The following FSTL5 variants were observed in gnomAD, a reference collection of about 807,000 sequenced individuals.
FSTL5 encodes follistatin like 5.
A neutral mutation model predicts 89.1 loss-of-function variants in FSTL5; 62 were observed. That is an observed-to-expected ratio of 0.70 (90% confidence interval 0.57 to 0.86). The LOEUF (loss-of-function observed/expected upper bound fraction) is 0.86, where lower values mean the gene tolerates loss of function less well. Ranked by LOEUF, FSTL5 falls within the 40% of genes least tolerant of loss-of-function variation. The probability of loss-of-function intolerance (pLI) is 0.00; values close to 1 mark genes in which losing one functional copy is unlikely to be tolerated. For synonymous variants in FSTL5, 383 were observed against 346.2 expected, an observed-to-expected ratio of 1.11 and a Z score of -1.18; for missense variants, 1,057 against 1,001.6, an observed-to-expected ratio of 1.06 and a Z score of -0.75.
At chr4:161,869,397 A>G (rs1471185415) in intron 4 of FSTL5, among the ~76,000 whole-genome samples, 1 of 152,166 alleles carries the variant, frequency 6.6e-6, no homozygotes, top group Non-Finnish European at 1.5e-5. Context: ...TGCGATCACA[A>G]ATAAGGTTCT....
intron 7 of FSTL5, among the ~76,000 whole-genome samples, chr4:161,603,682 T>C (rs1474657104): frequency 6.6e-6 from 1 of 151,894 alleles, no homozygotes; most frequent in Non-Finnish European, 1.5e-5. Context: ...AATGAGAGAA[T>C]TGCACTTAAA....
chr4:161,684,776 C>G (rs1205415819), intron 6 of FSTL5, among the ~76,000 whole-genome samples: 1 of 152,040 alleles, frequency 6.6e-6, no homozygotes, highest in African/African-American at 2.4e-5. Flanking sequence ...ATAATTAGGT[C>G]CCAGCAATTA....
At chr4:161,839,634 T>C (rs1223164797) in intron 4 of FSTL5, among the ~76,000 whole-genome samples, 3 of 152,190 alleles carry the variant, frequency 2.0e-5, no homozygotes, top group African/African-American at 4.8e-5. Flanking sequence ...TCAATTTATG[T>C]GAAATTCCAA....
intron 13 of FSTL5, among the ~76,000 whole-genome samples, chr4:161,472,734 T>C (rs1340739939): frequency 2.6e-5 from 4 of 151,780 alleles, no homozygotes; most frequent in African/African-American, 9.7e-5. Flanking sequence ...ATGTAACTTT[T>C]TTTTTTTTTT....
At chr4:161,685,906 T>G (rs574043368) in intron 6 of FSTL5, among the ~76,000 whole-genome samples, 1 of 152,312 alleles carries the variant, frequency 6.6e-6, no homozygotes, top group South Asian at 2.1e-4. Context: ...CATAGTTGGC[T>G]TTTATTACAT....
At chr4:161,760,514 C>T (rs2126790309) in intron 5 of FSTL5, among the ~76,000 whole-genome samples, 1 of 152,250 alleles carries the variant, frequency 6.6e-6, no homozygotes, top group South Asian at 2.1e-4. Context: ...TCAATAATTT[C>T]TGGCAAATCA....
chr4:161,814,561 T>C (rs529573397), intron 4 of FSTL5, among the ~76,000 whole-genome samples: 1 of 152,248 alleles, frequency 6.6e-6, no homozygotes, highest in East Asian at 1.9e-4. Flanking sequence ...AACCTCACAA[T>C]GAACTTTAGG....
At chr4:161,886,259 C>G (rs763993475) in intron 4 of FSTL5, among the ~76,000 whole-genome samples, 28 of 152,164 alleles carry the variant, frequency 1.8e-4, no homozygotes, top group Non-Finnish European at 3.2e-4. Flanking sequence ...CAGTGAAGCC[C>G]TTCTCAAAGT....
At chr4:161,733,460 A>G (rs1739685088) in intron 6 of FSTL5, among the ~76,000 whole-genome samples, 1 of 151,948 alleles carries the variant, frequency 6.6e-6, no homozygotes, top group African/African-American at 2.4e-5. Flanking sequence ...TTAATTTCAT[A>G]TCTGTATGCT....
chr4:162,095,988 G>A (rs1490223447), intron 2 of FSTL5, among the ~76,000 whole-genome samples: 11 of 151,750 alleles, frequency 7.2e-5, no homozygotes, highest in Admixed American at 1.3e-4. Flanking sequence ...ACTACTACCC[G>A]ATTGTAGCAA....
chr4:161,904,906 G>A (rs1733477478), intron 4 of FSTL5, among the ~76,000 whole-genome samples: 1 of 151,714 alleles, frequency 6.6e-6, no homozygotes, highest in Admixed American at 6.6e-5. Flanking sequence ...TAAGTTTCAT[G>A]TAAATCTATG....
At chr4:161,947,536 G>T (rs1418829887) in intron 3 of FSTL5, among the ~76,000 whole-genome samples, 1 of 152,046 alleles carries the variant, frequency 6.6e-6, no homozygotes, top group Non-Finnish European at 1.5e-5. Flanking sequence ...TTGGCCCAAA[G>T]TTATGAATGT....
At chr4:162,041,271 G>T (rs2111225201) in intron 2 of FSTL5, among the ~76,000 whole-genome samples, 1 of 150,972 alleles carries the variant, frequency 6.6e-6, no homozygotes, top group East Asian at 2.0e-4. Context: ...TCTGTCTAGA[G>T]GACATAGCAT....
chr4:161,446,694 G>A (rs1456869289), intron 15 of FSTL5, among the ~76,000 whole-genome samples: 1 of 151,878 alleles, frequency 6.6e-6, no homozygotes, highest in Non-Finnish European at 1.5e-5. Flanking sequence ...TGTATTAATA[G>A]GCCATGCAAT....
At chr4:161,783,589 T>C (rs1445996297) in intron 4 of FSTL5, among the ~76,000 whole-genome samples, 1 of 90,478 alleles carries the variant, frequency 1.1e-5, no homozygotes, top group East Asian at 3.3e-4. Flanking sequence ...CTTTCCTTGC[T>C]TTCCTTGCCT....
At chr4:161,526,189 G>T (rs545444606) in intron 10 of FSTL5, among the ~76,000 whole-genome samples, 35 of 152,094 alleles carry the variant, frequency 2.3e-4, no homozygotes, top group African/African-American at 8.2e-4. Context: ...AGTATAACTT[G>T]TATGATAATG....
chr4:161,601,873 C>T (rs1441681910), intron 7 of FSTL5, among the ~76,000 whole-genome samples: 1 of 152,070 alleles, frequency 6.6e-6, no homozygotes, highest in Non-Finnish European at 1.5e-5. Context: ...ACACTTTAAA[C>T]TTGGTCTCCA....
intron 4 of FSTL5, among the ~76,000 whole-genome samples, chr4:161,776,577 G>T (rs1218824570): frequency 6.7e-6 from 1 of 148,428 alleles, no homozygotes; most frequent in East Asian, 2.0e-4. Flanking sequence ...ATACATATGA[G>T]ATTCCAAAAG....
intron 2 of FSTL5, among the ~76,000 whole-genome samples, chr4:162,052,865 T>G (rs1310360300): frequency 6.6e-6 from 1 of 151,784 alleles, no homozygotes; most frequent in African/African-American, 2.4e-5. Flanking sequence ...GTATAATAGA[T>G]CTCTTGAATT....
Sources: gnomAD v4.1 joint callset for allele counts (sites outside exome capture counted in the v4.1 genomes callset) on GRCh38, gnomAD v4.1.1 for gene constraint, MANE v1.5 for transcripts, NCBI Gene and HGNC (gene_info 2026-07-23, HGNC 2026-07-21) for gene names.